The following BLVRB variants were observed in gnomAD, a reference collection of about 807,000 sequenced individuals.
The protein encoded by BLVRB is biliverdin reductase B, also known as flavin reductase (NADPH).
Under a neutral mutation model 21.1 loss-of-function variants are expected in BLVRB, and 25 were observed. The observed-to-expected ratio is 1.19, with a 90% CI of 0.86 to 1.66. The LOEUF is 1.66. BLVRB is among the 40% of genes most tolerant of loss of function. The probability of loss-of-function intolerance (pLI) is 0.00; values close to 1 mark genes in which losing one functional copy is unlikely to be tolerated. For synonymous variants in BLVRB, 128 were observed against 122.2 expected (o/e 1.05, Z -0.31); for missense variants, 274 against 282.7 (o/e 0.97, Z 0.22).
chr19:40,463,271 C>A (rs2079796142), intron 1 of BLVRB, among the ~76,000 whole-genome samples: 1 of 152,182 alleles, frequency 6.6e-6, no homozygotes, highest in Non-Finnish European at 1.5e-5. Context: ...CCAGAGACTG[C>A]AAAATTCAAT....
chr19:40,452,821 C>T (rs1244306799), intron 3 of BLVRB, among the ~76,000 whole-genome samples: 7 of 151,428 alleles, frequency 4.6e-5, no homozygotes, highest in Admixed American at 6.6e-5. Context: ...GCTGAGATCG[C>T]GCCACGGCAC....
intron 1 of BLVRB, among the ~76,000 whole-genome samples, chr19:40,464,540 C>T (rs569754856): frequency 9.8e-5 from 15 of 152,312 alleles, no homozygotes; most frequent in African/African-American, 3.6e-4. Context: ...GAGTGGAATT[C>T]GGTGGAATTA....
chr19:40,452,769 G>C (rs1018435448), intron 3 of BLVRB, among the ~76,000 whole-genome samples: 2 of 152,112 alleles, frequency 1.3e-5, no homozygotes, highest in African/African-American at 4.8e-5. Context: ...GGAGGCTGAA[G>C]CTGGAGAATT....
rs757244672 is a variant in BLVRB, at chr19:40,447,849, C to T, written c.*40G>A. On this transcript the variant is annotated 3_prime_UTR_variant, in exon 5 of 5. Transcript: ENST00000263368. ...TTTATTGCCCCCTTCCTTTGCTCCT[C>T]ATGTCCCAGAATGCCACCCTCCCAG... The T allele has an allele frequency of 9.4e-6, 15 of 1,593,428 alleles. No individual in the cohort carries two copies. The South Asian group carries it at 1.4e-4, about 15-fold the overall frequency.
chr19:40,458,050 A>G, intron 3 of BLVRB, 105 bp downstream of exon 3: 1 of 1,124,030 alleles, frequency 8.9e-7, no homozygotes, highest in East Asian at 2.5e-5. Flanking sequence ...TGTTCAGTAA[A>G]TGCACAGTAA....
rs375352127 is a variant in BLVRB, at chr19:40,458,156, C to T, written c.333G>A (p.Ser111=). The change falls in exon 3 of 5, where the codon TCG becomes TCA. Residue 111 remains serine (S), a splice_region_variant and synonymous_variant. Coordinates refer to ENST00000263368, the MANE Select transcript of BLVRB (RefSeq NM_000713.3). The part of the protein sequence containing the change: ...HGVDKVVACT[S]AFLLWDPTKV... ...CACCTCCATGATCCCACCACCCACC[C>T]GAGGTGCAGGCCACGACCTTGTCCA... 68 of 1,613,648 alleles carry T rather than the reference C, an allele frequency of 4.2e-5. 1 individual carries two copies. The highest frequency in any genetic ancestry group is 3.4e-5 in the Non-Finnish European group (40 of 1,179,818).
Position 40,448,049 on chromosome 19 carries a change from A to G in BLVRB, c.464-3T>C. The stretch of plus-strand genomic sequence containing the variant: ...CGCCCCAGTTAGTGGCTGGTCTCCT[A>G]TGAAGTAAAGACAAGAGGGGCTGGA... On this transcript the variant is annotated splice_region_variant and splice_polypyrimidine_tract_variant and intron_variant, in intron 4 of 4. Transcript: ENST00000263368. The G allele has an allele frequency of 5.6e-6, 9 of 1,610,548 alleles. No homozygotes were observed. The South Asian group carries it at 7.7e-5, about 14-fold the overall frequency.
chr19:40,449,077 CA>C lies in BLVRB; in HGVS notation c.464-1032del, dbSNP rs112334695. 2.3e-3 allele frequency among the ~76,000 whole-genome samples: 311 copies of C among 137,426 alleles called. 1 individual carries two copies. Among genetic ancestry groups the C allele is most frequent in the Admixed American group, 2.8e-3 (38 of 13,646 alleles). 90.2% of individuals were successfully genotyped at this position (137,426 alleles called of 152,430 possible). On this transcript the variant is annotated intron_variant, in intron 4 of 4. Transcript: ENST00000263368. ...TGGGCTACAGAGGGAGACCCTGTCTCAAAAAAAAAAAAGGAACACACACCTT... is the reference window on the plus strand; with the variant it reads ...TGGGCTACAGAGGGAGACCCTGTCTCAAAAAAAAAAAGGAACACACACCTT...
chr19:40,447,856 C>T lies in BLVRB; in HGVS notation c.*33G>A. ...CCCCCTTCCTTTGCTCCTCATGTCC[C>T]AGAATGCCACCCTCCCAGATGGGGA... On this transcript the variant is annotated 3_prime_UTR_variant, in exon 5 of 5. Coordinates refer to ENST00000263368, the MANE Select transcript of BLVRB (RefSeq NM_000713.3). 1 of 1,595,116 alleles carries T rather than the reference C, an allele frequency of 6.3e-7. No homozygotes were observed. Among genetic ancestry groups the T allele is most frequent in the Admixed American group, 1.7e-5 (1 of 59,522 alleles).
intron 1 of BLVRB, 66 bp downstream of exon 1, chr19:40,465,544 A>C: frequency 6.5e-7 from 1 of 1,547,156 alleles, no homozygotes; most frequent in Non-Finnish European, 8.7e-7. Flanking sequence ...GCCCGACCCC[A>C]TGGTGCCCCT....
At chr19:40,452,781 C>T (rs979607420) in intron 3 of BLVRB, among the ~76,000 whole-genome samples, 2 of 152,138 alleles carry the variant, frequency 1.3e-5, no homozygotes, top group East Asian at 3.9e-4. Flanking sequence ...TGGAGAATTG[C>T]TGGAACCCTT....
chr19:40,455,224 C>T (rs1027602736), intron 3 of BLVRB, among the ~76,000 whole-genome samples: 17 of 152,208 alleles, frequency 1.1e-4, no homozygotes, highest in African/African-American at 4.1e-4. Flanking sequence ...GGATAAACTC[C>T]AAGCTCCTTA....
At chr19:40,453,067 G>C (rs908181063) in intron 3 of BLVRB, among the ~76,000 whole-genome samples, 2 of 151,868 alleles carry the variant, frequency 1.3e-5, no homozygotes, top group African/African-American at 4.8e-5. Context: ...CGTCTCAAAA[G>C]AAAAAGAAAA....
At chr19:40,459,140 G>T (rs2079775448) in intron 1 of BLVRB, among the ~76,000 whole-genome samples, 1 of 150,074 alleles carries the variant, frequency 6.7e-6, no homozygotes, top group Non-Finnish European at 1.5e-5. Flanking sequence ...GACCAGCCTG[G>T]ACAACATGAT....
At position 40,465,611 on chromosome 19, in the gene BLVRB, T is replaced by C. The variant is rs778304380; in HGVS notation, c.78A>G (p.Ala26=). ...GLTTLAQAVQ[A]GYEVTVLVRD... is the part of the protein sequence containing the mutation. ...TGCCCCGCCCGCCCCGGCTCATGCC[T>C]GCTTGCACCGCCTGCGCCAGGGTGG... The change falls in exon 1 of 5, where the codon GCA becomes GCG. Residue 26 remains alanine, a splice_region_variant and synonymous_variant. Coordinates refer to ENST00000263368, the MANE Select transcript of BLVRB (RefSeq NM_000713.3). 3 of 1,611,616 alleles carry C rather than the reference T, an allele frequency of 1.9e-6. No individual in the cohort carries two copies. Among genetic ancestry groups the C allele is most frequent in the South Asian group, 1.1e-5 (1 of 90,792 alleles).
At position 40,459,044 on chromosome 19, in the gene BLVRB, C is replaced by T. The variant is rs574255866; in HGVS notation, c.80-499G>A. On this transcript the variant is annotated intron_variant, in intron 1 of 4. Coordinates refer to ENST00000263368, the MANE Select transcript of BLVRB (RefSeq NM_000713.3). ...GGGCTGATTATTAAAATAGACCATA[C>T]CTTGGCCAGGCATGGTGGCTCACGC... 2.0e-5 allele frequency among the ~76,000 whole-genome samples: 3 copies of T among 151,662 alleles called. No individual in the cohort carries two copies. The South Asian group carries it at 6.3e-4, about 32-fold the overall frequency.
chr19:40,448,513 C>T (rs944538315), intron 4 of BLVRB, among the ~76,000 whole-genome samples: 3 of 150,978 alleles, frequency 2.0e-5, no homozygotes, highest in Admixed American at 6.7e-5. Context: ...ATTGCTTGAG[C>T]CAGGGAAGTT....
chr19:40,465,435 A>G (rs1210273922), intron 1 of BLVRB, among the ~76,000 whole-genome samples, 175 bp downstream of exon 1: 1 of 152,116 alleles, frequency 6.6e-6, no homozygotes, highest in Non-Finnish European at 1.5e-5. Flanking sequence ...ATAAACTTGG[A>G]TCTCACATCT....
chr19:40,455,079 G>T (rs268695), intron 3 of BLVRB, among the ~76,000 whole-genome samples: 52,472 of 150,360 alleles, frequency 0.35, 10,281 homozygotes, highest in African/African-American at 0.54. Flanking sequence ...ACTCCTGGAC[G>T]CAAGCAATCC....
Sources: gnomAD v4.1 joint callset for allele counts (sites outside exome capture counted in the v4.1 genomes callset) on GRCh38, gnomAD v4.1.1 for gene constraint, MANE v1.5 for transcripts, NCBI Gene and HGNC (gene_info 2026-07-23, HGNC 2026-07-21) for gene names.